CHD2: variants seen among roughly 807,000 people sequenced by gnomAD.
The protein encoded by CHD2 is chromodomain helicase DNA binding protein 2, also known as ATP-dependent chromatin remodeler CHD2.
CHD2 carries 28 observed loss-of-function variants against 243.9 expected under a neutral mutation model. The ratio of observed to expected loss-of-function variants is 0.11; its 90% CI spans 0.09 to 0.16. CHD2 has a LOEUF of 0.16. Ranked by LOEUF, CHD2 falls within the 10% of genes least tolerant of loss-of-function variation. The pLI is 1.00. For synonymous variants in CHD2, 775 were observed against 779.0 expected (o/e 0.99, Z 0.09); for missense variants, 1,386 against 2,209.8 (o/e 0.63, Z 7.47).
chr15:92,999,215 C>T (rs1358052943), intron 31 of CHD2, among the ~76,000 whole-genome samples: 1 of 151,928 alleles, frequency 6.6e-6, no homozygotes, highest in Non-Finnish European at 1.5e-5. Flanking sequence ...CCCACTATTC[C>T]ACACATACTG....
intron 2 of CHD2, among the ~76,000 whole-genome samples, chr15:92,919,036 AG>A (rs1036161789): frequency 5.9e-5 from 9 of 152,088 alleles, no homozygotes; most frequent in African/African-American, 2.2e-4. Flanking sequence ...TTGTTTTTTT[AG>A]TACAGGCTGG....
intron 26 of CHD2, among the ~76,000 whole-genome samples, chr15:92,986,571 G>T (rs538339626): frequency 7.9e-5 from 12 of 152,220 alleles, no homozygotes; most frequent in Non-Finnish European, 8.8e-5. Context: ...AGCCAAAATT[G>T]TATGTATATA....
chr15:92,948,810 G>C (rs764946712), intron 12 of CHD2, 142 bp from the exon 13 acceptor site: 89 of 877,232 alleles, frequency 1.0e-4, no homozygotes, highest in Non-Finnish European at 1.5e-4. Flanking sequence ...CTGCACTCCA[G>C]CCTGGGTGAC....
At chr15:92,970,348 T>A (rs145734190) in intron 17 of CHD2, among the ~76,000 whole-genome samples, 1 of 152,096 alleles carries the variant, frequency 6.6e-6, no homozygotes, top group Non-Finnish European at 1.5e-5. Flanking sequence ...ATTACAGGCA[T>A]GCACCAGTAC....
chr15:92,905,652 T>C (rs2052607485), intron 2 of CHD2, among the ~76,000 whole-genome samples: 1 of 152,232 alleles, frequency 6.6e-6, no homozygotes, highest in Non-Finnish European at 1.5e-5. Flanking sequence ...TTTTGTAGGT[T>C]CTCATAATCT....
At chr15:93,011,083 T>C (rs1351912096) in intron 35 of CHD2, among the ~76,000 whole-genome samples, 4 of 152,220 alleles carry the variant, frequency 2.6e-5, no homozygotes, top group Middle Eastern at 3.2e-3. Context: ...CTTTTTTTTT[T>C]TTCTTCTTTT....
At chr15:92,928,939 A>T in intron 4 of CHD2, 91 bp from the exon 5 acceptor site, 1 of 1,223,814 alleles carries the variant, frequency 8.2e-7, no homozygotes, top group South Asian at 1.3e-5. Flanking sequence ...ATAATGGTAT[A>T]TTGAGTAGAC....
intron 2 of CHD2, chr15:92,904,911 G>A (rs2052591085): frequency 6.5e-7 from 1 of 1,535,800 alleles, no homozygotes; most frequent in South Asian, 1.2e-5. Context: ...TTAATACATG[G>A]CTCATAAACA....
intron 3 of CHD2, 41 bp downstream of exon 3, chr15:92,924,593 A>C (rs1434504255): frequency 6.5e-7 from 1 of 1,529,800 alleles, no homozygotes; most frequent in African/African-American, 1.4e-5. Flanking sequence ...CTGCTAGCCT[A>C]GGACAAGCTA....
chr15:92,935,568 T>C (rs554112082), intron 5 of CHD2, among the ~76,000 whole-genome samples: 31 of 152,212 alleles, frequency 2.0e-4, no homozygotes, highest in Non-Finnish European at 4.1e-4. Flanking sequence ...AAGGACTAGC[T>C]GTTCATATTC....
At chr15:92,901,531 G>T in intron 2 of CHD2, 1 of 547,434 alleles carries the variant, frequency 1.8e-6, no homozygotes, top group East Asian at 3.0e-5. Context: ...GCAGTCAAAA[G>T]GTAAGGTACC....
rs1060504937 is a variant in CHD2 at position 92,953,522 on chromosome 15, A to G, written c.1668A>G (p.Ala556=). The stretch of plus-strand genomic sequence containing the variant: ...GGCAGAGAGAGTTTGAAATCTGGGC[A>G]CCAGAGATTAACGTAGTGGTTTACA... ...TSWQREFEIW[A]PEINVVVYIG... The change falls in exon 14 of 39, where the codon GCA becomes GCG. Residue 556 remains alanine (A), a synonymous_variant. Transcript: ENST00000394196. 11 of 1,614,154 alleles carry G rather than the reference A, an allele frequency of 6.8e-6. No homozygotes were observed. Among genetic ancestry groups the G allele is most frequent in the South Asian group, 1.1e-5 (1 of 91,082 alleles).
intron 15 of CHD2, 143 bp from the exon 16 acceptor site, chr15:92,956,316 G>C (rs1418425760): frequency 3.2e-6 from 2 of 623,842 alleles, no homozygotes; most frequent in African/African-American, 1.9e-5. Flanking sequence ...AAACAGAAGA[G>C]GCCTAATATA....
intron 34 of CHD2, among the ~76,000 whole-genome samples, chr15:93,008,686 G>C (rs1242963520): frequency 6.6e-6 from 1 of 152,200 alleles, no homozygotes; most frequent in Non-Finnish European, 1.5e-5. Context: ...GGGAGGCAGA[G>C]AAAAGATGCT....
At chr15:92,904,054 A>T (rs1371458343) in intron 2 of CHD2, among the ~76,000 whole-genome samples, 1 of 152,202 alleles carries the variant, frequency 6.6e-6, no homozygotes, top group African/African-American at 2.4e-5. Flanking sequence ...AACTAATAGA[A>T]ATCTGAAATA....
intron 17 of CHD2, 147 bp downstream of exon 17, chr15:92,967,660 G>A (rs1050432002): frequency 1.5e-4 from 72 of 470,848 alleles, no homozygotes; most frequent in Non-Finnish European, 2.1e-4. Flanking sequence ...CGAGTAGCTG[G>A]GATTACAGGG....
intron 13 of CHD2, among the ~76,000 whole-genome samples, chr15:92,952,438 AGTTT>A (rs1164965369): frequency 8.5e-5 from 13 of 152,078 alleles, no homozygotes; most frequent in African/African-American, 3.1e-4. Flanking sequence ...GGGAGCCCTG[AGTTT>A]GTTTTTCTGC....
At chr15:92,904,800 A>G (rs1252004550) in intron 2 of CHD2, 5 of 1,476,570 alleles carry the variant, frequency 3.4e-6, no homozygotes, top group Non-Finnish European at 4.5e-6. Context: ...GTGTGAAGAG[A>G]TGAGTGGGTT....
Position 93,014,817 on chromosome 15 carries a change from A to C in CHD2, c.4814A>C (p.Lys1605Thr), listed in dbSNP as rs780701076. Residue 1605 changes from lysine to threonine, a missense_variant, in exon 37 of 39, where the codon AAG (lysine) becomes ACG (threonine). Physicochemically the swap from Lys to Thr is moderately conservative, Grantham distance 78. Around this residue, in one of 19 missense-constraint regions of CHD2, gnomAD observed 347 missense variants for 341.6 expected, o/e 1.02. Transcript: ENST00000394196. ...ACCTCACACAACCTTCACCCTCAGA[A>C]GCCTCATTTGCCTGCCTCCCATGGC... is the stretch of plus-strand genomic sequence containing the variant. ...SHTSHNLHPQKPHLPASHGPQ... is the reference protein window; with the variant it reads ...SHTSHNLHPQTPHLPASHGPQ... 42 of 1,614,198 alleles carry C rather than the reference A, an allele frequency of 2.6e-5. No individual in the cohort carries two copies. The highest frequency in any genetic ancestry group is 3.4e-5 in the Non-Finnish European group (40 of 1,180,022).
Sources: gnomAD v4.1 joint callset for allele counts (sites outside exome capture counted in the v4.1 genomes callset) on GRCh38, gnomAD v4.1.1 for gene constraint, gnomAD v4.1.1 regional missense constraint, MANE v1.5 for transcripts, NCBI Gene and HGNC (gene_info 2026-07-23, HGNC 2026-07-21) for gene names.